ABLIM2: variants seen among roughly 807,000 people sequenced by gnomAD.
ABLIM2 encodes actin binding LIM protein family member 2, also known as actin-binding LIM protein 2.
In ABLIM2, 53 loss-of-function variants were observed where a neutral mutation model predicts 97.7. The observed-to-expected ratio is 0.54, with a 90% CI of 0.44 to 0.68. ABLIM2 has a LOEUF of 0.68. ABLIM2 is among the 30% of genes least tolerant of loss of function. The pLI, the probability that ABLIM2 is intolerant of heterozygous loss-of-function variation, is 0.00. For synonymous variants in ABLIM2, 361 were observed against 345.8 expected (o/e 1.04, Z -0.49); for missense variants, 835 against 867.2 (o/e 0.96, Z 0.47).
rs1029361335 is a variant in ABLIM2, at chr4:8,128,421, T to C, written c.11-21784A>G. ...GGATGCGTTGCACCTGCACACCCAGTACAGCTGCCTGCAGCTCGCAAGGCC... is the reference window on the plus strand; with the variant it reads ...GGATGCGTTGCACCTGCACACCCAGCACAGCTGCCTGCAGCTCGCAAGGCC... On this transcript the variant is annotated intron_variant, in intron 1 of 20. Transcript: ENST00000447017. The surrounding 1 kb of genome is among the most constrained non-coding windows in gnomAD (Gnocchi z 4.9). 1.3e-5 allele frequency among the ~76,000 whole-genome samples: 2 copies of C among 152,196 alleles called. No individual in the cohort carries two copies. The highest frequency in any genetic ancestry group is 6.5e-5 in the Admixed American group (1 of 15,286).
intron 20 of ABLIM2, among the ~76,000 whole-genome samples, chr4:7,975,566 G>A (rs756584406): frequency 3.9e-5 from 6 of 152,190 alleles, no homozygotes; most frequent in Non-Finnish European, 8.8e-5. Context: ...CCCACATGCT[G>A]CTCCACTAAA....
intron 1 of ABLIM2, among the ~76,000 whole-genome samples, chr4:8,157,905 C>G (rs1715914067): frequency 6.6e-6 from 1 of 152,262 alleles, no homozygotes; most frequent in African/African-American, 2.4e-5. Flanking sequence ...CGGTGCGGGC[C>G]CCAGGAGGCT....
intron 4 of ABLIM2, among the ~76,000 whole-genome samples, chr4:8,084,835 C>T (rs1467107748): frequency 1.3e-5 from 2 of 152,236 alleles, no homozygotes; most frequent in African/African-American, 4.8e-5. Context: ...CACCTCTTGC[C>T]CTCGGCACAC....
At chr4:8,080,594 G>A (rs1819157220) in intron 5 of ABLIM2, 82 bp downstream of exon 5, 3 of 1,402,504 alleles carry the variant, frequency 2.1e-6, no homozygotes, top group African/African-American at 2.9e-5. Context: ...GGGTGGCGCT[G>A]GGGACACGTG....
intron 1 of ABLIM2, among the ~76,000 whole-genome samples, chr4:8,114,363 A>T (rs992610804): frequency 6.6e-6 from 1 of 152,196 alleles, no homozygotes; most frequent in African/African-American, 2.4e-5. Context: ...GCGTACAGGC[A>T]CGCACACTTT....
rs1176315960 is a variant in ABLIM2, at chr4:8,032,519, C to T, written c.1048-2743G>A. The T allele has an allele frequency of 1.2e-5, 14 of 1,169,500 alleles. No homozygotes were observed. The highest frequency in any genetic ancestry group is 2.6e-5 in the South Asian group (2 of 76,514). 72.4% of individuals were successfully genotyped at this position (1,169,500 alleles called of 1,614,324 possible). A position where few individuals can be genotyped will look rare whatever the true frequency, so the allele number is the denominator to read the frequency against. On this transcript the variant is annotated intron_variant, in intron 10 of 20. Coordinates refer to ENST00000447017, the MANE Select transcript of ABLIM2 (RefSeq NM_001130083.2). This position sits in a 1 kb window ranked among gnomAD's most constrained non-coding sequence, Gnocchi z 4.3. Reference sequence around the variant, plus strand: ...GGAGGGTGCCCCATGTCACAAGGGCCGTGGCCCCGGGCCCCATGGTGAAGA... The same window carrying T: ...GGAGGGTGCCCCATGTCACAAGGGCTGTGGCCCCGGGCCCCATGGTGAAGA...
chr4:8,143,439 C>T (rs143103951), intron 1 of ABLIM2, among the ~76,000 whole-genome samples: 1 of 152,132 alleles, frequency 6.6e-6, no homozygotes, highest in Non-Finnish European at 1.5e-5. Context: ...GCACCCTACC[C>T]AGGGCCTAAG....
intron 12 of ABLIM2, among the ~76,000 whole-genome samples, chr4:8,026,083 C>T (rs1242188646): frequency 6.6e-6 from 1 of 152,226 alleles, no homozygotes; most frequent in Non-Finnish European, 1.5e-5. Flanking sequence ...TCGTAGCTCA[C>T]TGCAGCTTCA....
chr4:8,121,779 C>T (rs1165042456), intron 1 of ABLIM2, among the ~76,000 whole-genome samples: 1 of 152,232 alleles, frequency 6.6e-6, no homozygotes, highest in African/African-American at 2.4e-5. Context: ...TGAGTGACTG[C>T]AGGGCACTGT....
In ABLIM2 at chr4:8,075,294, C is replaced by T. The variant is rs931801199; in HGVS notation, c.675+2334G>A. Among the ~76,000 whole-genome samples, 22 of 152,028 alleles carry T rather than the reference C, an allele frequency of 1.4e-4. No homozygotes were observed. The highest frequency in any genetic ancestry group is 3.3e-4 in the Admixed American group (5 of 15,260). Reference sequence around the variant, plus strand: ...GGTGGTTGCCGAGGGCTTGCGGGTACGGGGAGTGACAGCTAAAAGGTATGG... The same window carrying T: ...GGTGGTTGCCGAGGGCTTGCGGGTATGGGGAGTGACAGCTAAAAGGTATGG... On this transcript the variant is annotated intron_variant, in intron 6 of 20. Transcript: ENST00000447017. The surrounding 1 kb of genome is among the most constrained non-coding windows in gnomAD (Gnocchi z 4.4).
In ABLIM2 at chr4:8,088,320, C is replaced by T. The variant is rs752881172; in HGVS notation, c.339-36G>A. The stretch of plus-strand genomic sequence containing the variant: ...AGAGCTCGTTACCAGCCAGGCCCAC[C>T]TTCTGGCTCCTCTCTGGGGGAGCCC... On this transcript the variant is annotated intron_variant, in intron 3 of 20. Coordinates refer to ENST00000447017, the MANE Select transcript of ABLIM2 (RefSeq NM_001130083.2). The T allele has an allele frequency of 9.0e-6, 14 of 1,555,254 alleles. No individual in the cohort carries two copies. In the South Asian group the frequency reaches 1.0e-4, roughly 11 times the overall value.
chr4:8,064,908 A>T (rs929748285), intron 6 of ABLIM2, among the ~76,000 whole-genome samples: 4 of 152,204 alleles, frequency 2.6e-5, no homozygotes, highest in Non-Finnish European at 5.9e-5. Context: ...CCAACAAAGC[A>T]AAGACCTAAA....
intron 12 of ABLIM2, among the ~76,000 whole-genome samples, chr4:8,025,720 A>C (rs1776892938): frequency 6.6e-6 from 1 of 152,090 alleles, no homozygotes; most frequent in Non-Finnish European, 1.5e-5. Context: ...GAGCGGGGTG[A>C]GCCTGCCCTC....
At chr4:8,065,428 A>G (rs1806402454) in intron 6 of ABLIM2, among the ~76,000 whole-genome samples, 1 of 152,210 alleles carries the variant, frequency 6.6e-6, no homozygotes, top group Non-Finnish European at 1.5e-5. Context: ...TACAATAATA[A>G]CAACACAGAA....
intron 20 of ABLIM2, among the ~76,000 whole-genome samples, chr4:7,980,664 A>T (rs1737321532): frequency 6.6e-6 from 1 of 151,702 alleles, no homozygotes; most frequent in Admixed American, 6.6e-5. Context: ...GCAGTGAGCC[A>T]AGATTGTGCC....
Position 8,118,125 on chromosome 4 carries a change from G to A in ABLIM2, c.11-11488C>T, listed in dbSNP as rs536766653. On this transcript the variant is annotated intron_variant, in intron 1 of 20. Coordinates refer to ENST00000447017, the MANE Select transcript of ABLIM2 (RefSeq NM_001130083.2). ...CCTGCCATCTGCGCAGGAAGGCTGC[G>A]GCTGTACTGAGCTTTTGGTGGTGTG... Among the ~76,000 whole-genome samples the A allele has an allele frequency of 2.6e-4, 40 of 152,340 alleles. 1 individual carries two copies. In the South Asian group the frequency reaches 6.8e-3, roughly 26 times the overall value.
intron 18 of ABLIM2, among the ~76,000 whole-genome samples, chr4:7,983,807 G>A (rs979567191): frequency 6.6e-6 from 1 of 152,224 alleles, no homozygotes; most frequent in Non-Finnish European, 1.5e-5. Context: ...GCCGGAGGGC[G>A]GCACTGTGCT....
In ABLIM2 at chr4:8,130,952, G is replaced by A. The variant is rs957605611; in HGVS notation, c.11-24315C>T. Among the ~76,000 whole-genome samples the A allele has an allele frequency of 1.3e-5, 2 of 152,166 alleles. No individual in the cohort carries two copies. Among genetic ancestry groups the A allele is most frequent in the Non-Finnish European group, 2.9e-5 (2 of 68,020 alleles). The stretch of plus-strand genomic sequence containing the variant: ...GAGCTCCCCCAAAGGCTCTAGGGGA[G>A]GCTGCCGTTACCTCGCCCTGCTCTT... On this transcript the variant is annotated intron_variant, in intron 1 of 20. Coordinates refer to ENST00000447017, the MANE Select transcript of ABLIM2 (RefSeq NM_001130083.2). The surrounding 1 kb of genome is among the most constrained non-coding windows in gnomAD (Gnocchi z 4.2).
Position 8,044,012 on chromosome 4 carries a change from C to G in ABLIM2, c.900+1152G>C, listed in dbSNP as rs948325417. On this transcript the variant is annotated intron_variant, in intron 9 of 20. Coordinates refer to ENST00000447017, the MANE Select transcript of ABLIM2 (RefSeq NM_001130083.2). This position sits in a 1 kb window ranked among gnomAD's most constrained non-coding sequence, Gnocchi z 4.4. Reference sequence around the variant, plus strand: ...CAGTGCCACTCACTCTCCAGGCCAGCAGTGCGTCATGGTAACTGAGGACTC... The same window carrying G: ...CAGTGCCACTCACTCTCCAGGCCAGGAGTGCGTCATGGTAACTGAGGACTC... Among the ~76,000 whole-genome samples the G allele has an allele frequency of 2.6e-5, 4 of 152,220 alleles. No individual in the cohort carries two copies. Among genetic ancestry groups the G allele is most frequent in the African/African-American group, 9.6e-5 (4 of 41,456 alleles).
Sources: allele counts gnomAD v4.1 joint callset (sites outside exome capture counted in the v4.1 genomes callset), GRCh38; gene constraint gnomAD v4.1.1; non-coding constraint Gnocchi (gnomAD v3.1); transcripts MANE v1.5; gene names NCBI Gene and HGNC (gene_info 2026-07-23, HGNC 2026-07-21).